The following ARL15 variants were observed in gnomAD, a reference collection of about 807,000 sequenced individuals.
ARL15 encodes ADP-ribosylation factor-like protein 15.
Under a neutral mutation model 25.2 loss-of-function variants are expected in ARL15, and 19 were observed. That is an observed-to-expected ratio of 0.75 (90% CI 0.53 to 1.10). The LOEUF (loss-of-function observed/expected upper bound fraction) is 1.10. Among genes scored for constraint, ARL15 ranks in the 50% least tolerant of loss-of-function variants. The probability of loss-of-function intolerance (pLI) is 0.00; values close to 1 mark genes in which losing one functional copy is unlikely to be tolerated. For missense variants in ARL15, 220 were observed against 246.0 expected, an observed-to-expected ratio of 0.89 and a Z score of 0.71; for synonymous variants, 94 against 86.8, an observed-to-expected ratio of 1.08 and a Z score of -0.46.
chr5:54,223,112 T>C (rs572706059), intron 1 of ARL15, among the ~76,000 whole-genome samples: 1 of 151,632 alleles, frequency 6.6e-6, no homozygotes, highest in Admixed American at 6.6e-5. Flanking sequence ...AACTGGGCCT[T>C]AAAATTATCA....
chr5:53,911,571 G>A (rs1323070792), intron 4 of ARL15, among the ~76,000 whole-genome samples: 1 of 151,976 alleles, frequency 6.6e-6, no homozygotes, highest in African/African-American at 2.4e-5. Context: ...TTGGGGGACA[G>A]GTGGTGTTTG....
intron 4 of ARL15, among the ~76,000 whole-genome samples, chr5:54,005,277 G>T (rs1285920938): frequency 1.4e-5 from 2 of 144,254 alleles, no homozygotes; most frequent in Non-Finnish European, 3.1e-5. Context: ...ATACCTTCTG[G>T]TGTCCTATAC....
intron 1 of ARL15, among the ~76,000 whole-genome samples, chr5:54,277,508 T>C (rs1757955717): frequency 6.6e-6 from 1 of 152,134 alleles, no homozygotes; most frequent in Non-Finnish European, 1.5e-5. Context: ...TCCCAGCACT[T>C]TGGGAGGCCG....
At chr5:54,251,543 T>C (rs936948913) in intron 1 of ARL15, among the ~76,000 whole-genome samples, 4 of 152,144 alleles carry the variant, frequency 2.6e-5, no homozygotes, top group Admixed American at 2.6e-4. Flanking sequence ...CCTTACTAGA[T>C]TTCTAAAGTT....
chr5:54,240,084 G>T (rs539994310), intron 1 of ARL15, among the ~76,000 whole-genome samples: 2 of 151,988 alleles, frequency 1.3e-5, no homozygotes, highest in South Asian at 4.2e-4. Context: ...AAAATTAGCC[G>T]GGTGTGGTGG....
intron 1 of ARL15, among the ~76,000 whole-genome samples, chr5:54,216,422 T>G (rs1756207666): frequency 6.6e-6 from 1 of 152,216 alleles, no homozygotes; most frequent in Non-Finnish European, 1.5e-5. Flanking sequence ...TTATATTGTC[T>G]ATCAGTATCT....
At chr5:54,117,370 T>TATACAC (rs1554041366) in intron 3 of ARL15, among the ~76,000 whole-genome samples, 1 of 143,782 alleles carries the variant, frequency 7.0e-6, no homozygotes, top group Non-Finnish European at 1.5e-5. Context: ...GTGAGACACA[T>TATACAC]ACACACACAC....
intron 4 of ARL15, among the ~76,000 whole-genome samples, chr5:54,040,488 A>G (rs985300698): frequency 2.6e-5 from 4 of 152,228 alleles, no homozygotes; most frequent in African/African-American, 9.6e-5. Flanking sequence ...TCATGAAATA[A>G]CAGCACCTAA....
chr5:53,921,163 G>T (rs1341758904), intron 4 of ARL15, among the ~76,000 whole-genome samples: 1 of 152,030 alleles, frequency 6.6e-6, no homozygotes, highest in Non-Finnish European at 1.5e-5. Context: ...TCTCATTACG[G>T]CTCTGTCAGG....
At chr5:53,967,434 G>C (rs1324389197) in intron 4 of ARL15, among the ~76,000 whole-genome samples, 1 of 152,158 alleles carries the variant, frequency 6.6e-6, no homozygotes, top group African/African-American at 2.4e-5. Context: ...AGAGAAAAGT[G>C]GTTAGTTTGA....
intron 2 of ARL15, among the ~76,000 whole-genome samples, chr5:54,165,936 T>C (rs761715008): frequency 2.0e-5 from 3 of 151,980 alleles, no homozygotes; most frequent in African/African-American, 7.2e-5. Flanking sequence ...TTTTATTCTA[T>C]TCAGGCCTTC....
chr5:54,102,810 C>A (rs991554597), intron 4 of ARL15, among the ~76,000 whole-genome samples: 2 of 152,074 alleles, frequency 1.3e-5, no homozygotes, highest in Non-Finnish European at 2.9e-5. Context: ...TTAGTCATAA[C>A]CAGTATTAAA....
chr5:54,117,342 A>G (rs1196735319), intron 3 of ARL15, among the ~76,000 whole-genome samples: 5 of 149,706 alleles, frequency 3.3e-5, no homozygotes, highest in African/African-American at 1.2e-4. Context: ...TTAGGAGTAC[A>G]TATGGTACCT....
chr5:54,195,856 G>A (rs752483132), intron 1 of ARL15, among the ~76,000 whole-genome samples: 4 of 152,048 alleles, frequency 2.6e-5, no homozygotes, highest in Non-Finnish European at 5.9e-5. Flanking sequence ...CAAAGAATAG[G>A]TGATTTGGCA....
intron 4 of ARL15, among the ~76,000 whole-genome samples, chr5:53,953,849 T>C (rs892854837): frequency 1.3e-5 from 2 of 152,198 alleles, no homozygotes; most frequent in Non-Finnish European, 2.9e-5. Flanking sequence ...ATAATTATTA[T>C]GTAGGAGCCT....
At chr5:54,129,102 A>T (rs376098791) in intron 3 of ARL15, among the ~76,000 whole-genome samples, 42 of 152,230 alleles carry the variant, frequency 2.8e-4, no homozygotes, top group African/African-American at 8.9e-4. Flanking sequence ...CATTAAAAAC[A>T]ACAAAAAAAC....
At chr5:54,270,301 GTTT>G (rs58258114) in intron 1 of ARL15, among the ~76,000 whole-genome samples, 19,253 of 152,178 alleles carry the variant, frequency 0.13, 1,580 homozygotes, top group Non-Finnish European at 0.18. Context: ...TGCCCTGGAG[GTTT>G]TTATTTCCAA....
intron 1 of ARL15, among the ~76,000 whole-genome samples, chr5:54,284,294 AG>A (rs1432480416): frequency 1.3e-5 from 2 of 152,154 alleles, no homozygotes; most frequent in Non-Finnish European, 2.9e-5. Context: ...TTGTAGAGAC[AG>A]GGTTTTGCCA....
intron 1 of ARL15, among the ~76,000 whole-genome samples, chr5:54,199,298 G>C (rs1755645857): frequency 6.6e-6 from 1 of 152,002 alleles, no homozygotes; most frequent in African/African-American, 2.4e-5. Context: ...TTGACAAATG[G>C]GATATAATTA....
Sources: allele counts gnomAD v4.1 joint callset (sites outside exome capture counted in the v4.1 genomes callset), GRCh38; gene constraint gnomAD v4.1.1; transcripts MANE v1.5; gene names NCBI Gene and HGNC (gene_info 2026-07-23, HGNC 2026-07-21).